Variants in COL24A1 observed in about 807,000 individuals in gnomAD.
The protein encoded by COL24A1 is collagen type XXIV alpha 1 chain.
In COL24A1, 224 loss-of-function variants were observed where a neutral mutation model predicts 253.9. That is an observed-to-expected ratio of 0.88 (90% CI 0.79 to 0.99). The LOEUF is 0.99. Ranked by LOEUF, COL24A1 falls within the 50% of genes least tolerant of loss-of-function variation. COL24A1 has a pLI of 0.00. For synonymous variants in COL24A1, 685 were observed against 673.7 expected, an observed-to-expected ratio of 1.02 and a Z score of -0.26; for missense variants, 2,131 against 2,068.5, an observed-to-expected ratio of 1.03 and a Z score of -0.59.
intron 3 of COL24A1, among the ~76,000 whole-genome samples, chr1:86,123,438 T>C (rs1278186892): frequency 1.2e-4 from 18 of 152,068 alleles, no homozygotes; most frequent in Admixed American, 1.1e-3. Context: ...TAAATAGTTA[T>C]AAATGTACTT....
chr1:85,733,420 T>C (rs1663714708), intron 59 of COL24A1, among the ~76,000 whole-genome samples: 6 of 152,122 alleles, frequency 3.9e-5, no homozygotes, highest in Admixed American at 3.9e-4. Flanking sequence ...ATAACAGCCA[T>C]AGATAATAAG....
chr1:85,814,649 T>C (rs10873722), intron 47 of COL24A1, among the ~76,000 whole-genome samples: 50,280 of 152,004 alleles, frequency 0.33, 9,574 homozygotes, highest in Non-Finnish European at 0.43. Flanking sequence ...GAGAAAATGG[T>C]CCATAATTTT....
At chr1:85,867,064 A>T (rs543902535) in intron 37 of COL24A1, among the ~76,000 whole-genome samples, 1 of 152,196 alleles carries the variant, frequency 6.6e-6, no homozygotes, top group East Asian at 1.9e-4. Context: ...AATTATAGTC[A>T]TTGATAAAAA....
At chr1:85,839,841 T>C (rs1676411590) in intron 42 of COL24A1, among the ~76,000 whole-genome samples, 1 of 152,188 alleles carries the variant, frequency 6.6e-6, no homozygotes, top group Non-Finnish European at 1.5e-5. Context: ...TTTTCCTGAA[T>C]ATTTCTAATA....
At chr1:86,150,569 C>CT (rs567424019) in intron 1 of COL24A1, among the ~76,000 whole-genome samples, 1 of 151,850 alleles carries the variant, frequency 6.6e-6, no homozygotes, top group Non-Finnish European at 1.5e-5. Flanking sequence ...TAGCCTTCTT[C>CT]TTTTTTTTCT....
At chr1:85,860,204 C>T (rs1217604405) in intron 37 of COL24A1, among the ~76,000 whole-genome samples, 2 of 152,074 alleles carry the variant, frequency 1.3e-5, no homozygotes, top group Non-Finnish European at 2.9e-5. Context: ...TACATGATAT[C>T]CACGTATCAT....
Position 86,022,572 on chromosome 1 carries a change from C to T in COL24A1, c.2168G>A (p.Gly723Glu). Residue 723 changes from glycine to glutamate, a missense_variant, in exon 17 of 60, where the codon GGA becomes GAA. By Grantham distance (98) the Gly-to-Glu change is moderately conservative (BLOSUM62 -2). Transcript: ENST00000370571. Reference protein sequence around the residue: ...KGDKGEQGTAGELGEPGYPGD... With the variant: ...KGDKGEQGTAEELGEPGYPGD... Reference sequence around the variant, plus strand: ...AGGATACCCGGGTTCTCCTAGCTCTCCTGCTGTGCCTTGTTCACCCTGGAA... The same window carrying T: ...AGGATACCCGGGTTCTCCTAGCTCTTCTGCTGTGCCTTGTTCACCCTGGAA... 1.9e-6 allele frequency: 3 copies of T among 1,613,028 alleles called. No individual in the cohort carries two copies. Among genetic ancestry groups the T allele is most frequent in the Non-Finnish European group, 2.5e-6 (3 of 1,179,472 alleles).
intron 55 of COL24A1, among the ~76,000 whole-genome samples, chr1:85,747,989 C>CT (rs1170112723): frequency 1.3e-5 from 2 of 152,170 alleles, no homozygotes; most frequent in Non-Finnish European, 2.9e-5. Context: ...AGATACAGCT[C>CT]ATTCCTTAAT....
chr1:85,909,252 A>G (rs1685140786), intron 26 of COL24A1, among the ~76,000 whole-genome samples: 1 of 151,816 alleles, frequency 6.6e-6, no homozygotes, highest in South Asian at 2.1e-4. Flanking sequence ...AAAACAAAAC[A>G]AAACACTTAT....
intron 53 of COL24A1, among the ~76,000 whole-genome samples, chr1:85,761,925 A>G (rs1666889429): frequency 6.6e-6 from 1 of 152,160 alleles, no homozygotes; most frequent in African/African-American, 2.4e-5. Flanking sequence ...GTGTTCTTAG[A>G]CACATTAATT....
Position 85,838,638 on chromosome 1 carries a change from C to T in COL24A1, c.3628G>A (p.Gly1210Ser), listed in dbSNP as rs912893899. ...LGPPGPRGEPGPVGDQGERGE... is the reference protein window; with the variant it reads ...LGPPGPRGEPSPVGDQGERGE... ...CTCTCTCCTTGGTCCCCCACTGGACCCTACAGAGACCACACACAAAACAAT... is the reference window on the plus strand; with the variant it reads ...CTCTCTCCTTGGTCCCCCACTGGACTCTACAGAGACCACACACAAAACAAT... The change falls in exon 43 of 60, where the codon GGT (glycine) becomes AGT (serine). Residue 1210 changes from glycine to serine, a missense_variant and splice_region_variant. Gly to Ser is a moderately conservative substitution (Grantham distance 56). Coordinates refer to ENST00000370571, the MANE Select transcript of COL24A1 (RefSeq NM_152890.7). 1 of 1,613,754 alleles carries T rather than the reference C, an allele frequency of 6.2e-7. No individual in the cohort carries two copies. Among genetic ancestry groups the T allele is most frequent in the Non-Finnish European group, 8.5e-7 (1 of 1,179,748 alleles).
intron 10 of COL24A1, among the ~76,000 whole-genome samples, chr1:86,055,443 A>G (rs763223056): frequency 5.9e-5 from 9 of 152,252 alleles, no homozygotes; most frequent in Non-Finnish European, 1.0e-4. Flanking sequence ...ACAATTTTCA[A>G]TACAAATGGG....
intron 57 of COL24A1, among the ~76,000 whole-genome samples, chr1:85,739,436 C>A (rs537717632): frequency 1.3e-5 from 2 of 152,120 alleles, no homozygotes; most frequent in South Asian, 4.1e-4. Context: ...TGTTCTGACT[C>A]AAAACTAGCT....
At chr1:86,112,378 A>G (rs1705701018) in intron 5 of COL24A1, among the ~76,000 whole-genome samples, 189 bp downstream of exon 5, 1 of 152,196 alleles carries the variant, frequency 6.6e-6, no homozygotes, top group African/African-American at 2.4e-5. Flanking sequence ...AAATCCAAGT[A>G]TGGTGGGCTT....
chr1:85,913,538 A>C (rs1685576916), intron 24 of COL24A1, among the ~76,000 whole-genome samples: 1 of 152,184 alleles, frequency 6.6e-6, no homozygotes, highest in African/African-American at 2.4e-5. Flanking sequence ...TGCTTCCACC[A>C]GGAGACACAA....
Position 86,092,233 on chromosome 1 carries a change from T to G in COL24A1, c.1653+34A>C, listed in dbSNP as rs1169367585. On this transcript the variant is annotated intron_variant, in intron 6 of 59. Transcript: ENST00000370571. ...ATTATTTTAAAATGCTTGAAATATA[T>G]TACCATAATTTCATTTCATGGTCAA... 37 of 1,486,936 alleles carry G rather than the reference T, an allele frequency of 2.5e-5. No individual in the cohort carries two copies. The Admixed American group carries it at 6.4e-4, about 26-fold the overall frequency. 92.1% of individuals were successfully genotyped at this position (1,486,936 alleles called of 1,614,324 possible).
chr1:85,841,798 T>C (rs1297830751), intron 41 of COL24A1, among the ~76,000 whole-genome samples: 1 of 152,176 alleles, frequency 6.6e-6, no homozygotes, highest in Non-Finnish European at 1.5e-5. Context: ...ACAATTTCTT[T>C]AAATAATTAA....
At chr1:85,868,871 T>A in intron 35 of COL24A1, 36 bp from the exon 36 acceptor site, 1 of 1,434,864 alleles carries the variant, frequency 7.0e-7, no homozygotes, top group Non-Finnish European at 9.5e-7. Flanking sequence ...TTGAGTTTTT[T>A]TTTGCTATAT....
rs985049925 is a variant in COL24A1, at chr1:86,156,360, C to T, written c.37G>A (p.Val13Ile). The change falls in exon 1 of 60, where the codon GTC becomes ATC. Residue 13 changes from valine (V) to isoleucine (I), a missense_variant. Val to Ile is a conservative substitution (Grantham distance 29). Transcript: ENST00000370571. ...LRAHRTRRGK[V>I]SPTAKTKSLL... Reference sequence around the variant, plus strand: ...ACTTACGTTTTTGCCGTGGGGGAGACTTTTCCACGCCTTGTTCTGTGGGCT... The same window carrying T: ...ACTTACGTTTTTGCCGTGGGGGAGATTTTTCCACGCCTTGTTCTGTGGGCT... 3 of 1,612,870 alleles carry T rather than the reference C, an allele frequency of 1.9e-6. No individual in the cohort carries two copies. Among genetic ancestry groups the T allele is most frequent in the African/African-American group, 2.7e-5 (2 of 74,852 alleles).
Sources: gnomAD v4.1 joint callset for allele counts (sites outside exome capture counted in the v4.1 genomes callset) on GRCh38, gnomAD v4.1.1 for gene constraint, MANE v1.5 for transcripts, NCBI Gene and HGNC (gene_info 2026-07-23, HGNC 2026-07-21) for gene names.